Variants in APP observed in about 807,000 individuals in gnomAD.
The protein encoded by APP is amyloid beta precursor protein, also known as amyloid-beta precursor protein.
In APP, 31 loss-of-function variants were observed where a neutral mutation model predicts 101.4. The observed-to-expected ratio is 0.31, with a 90% CI of 0.23 to 0.41. The LOEUF (loss-of-function observed/expected upper bound fraction) is 0.41. APP is among the 10% of genes least tolerant of loss of function. APP has a pLI of 1.00. For synonymous variants in APP, 366 were observed against 364.4 expected, an observed-to-expected ratio of 1.00 and a Z score of -0.05; for missense variants, 839 against 1,003.7, an observed-to-expected ratio of 0.84 and a Z score of 2.22.
rs1250666038 is a variant in APP, at chr21:25,997,358, A to T, written c.1090+2T>A. On this transcript the variant is annotated splice_donor_variant, in intron 8 of 17. Transcript: ENST00000346798. LOFTEE classifies it high-confidence loss of function. ...CCTTCCCTCAGGTGAATGACAACGT[A>T]CGTTTAACAGGATCTCGGGCAAGAG... The T allele has an allele frequency of 1.9e-6, 3 of 1,613,608 alleles. No homozygotes were observed. Among genetic ancestry groups the T allele is most frequent in the Admixed American group, 3.3e-5 (2 of 59,998 alleles).
At chr21:26,067,803 C>T (rs2046516669) in intron 3 of APP, among the ~76,000 whole-genome samples, 1 of 152,032 alleles carries the variant, frequency 6.6e-6, no homozygotes, top group African/African-American at 2.4e-5. Context: ...GAGAGATGAG[C>T]TGAAAAAGCA....
At chr21:25,885,169 T>C (rs1276567335) in intron 17 of APP, among the ~76,000 whole-genome samples, 1 of 152,224 alleles carries the variant, frequency 6.6e-6, no homozygotes, top group Non-Finnish European at 1.5e-5. Context: ...ATGGATTGGA[T>C]CTTTAATCTC....
At chr21:25,892,797 C>T (rs2037780423) in intron 16 of APP, among the ~76,000 whole-genome samples, 1 of 152,114 alleles carries the variant, frequency 6.6e-6, no homozygotes, top group Non-Finnish European at 1.5e-5. Flanking sequence ...TATAGAAGCA[C>T]ACCACAACTT....
chr21:26,104,265 G>C (rs1355439920), intron 2 of APP, among the ~76,000 whole-genome samples: 1 of 151,784 alleles, frequency 6.6e-6, no homozygotes, highest in African/African-American at 2.4e-5. Flanking sequence ...TAAATTTTGG[G>C]GGAACACAAA....
At chr21:25,990,214 T>A (rs2042805755) in intron 8 of APP, among the ~76,000 whole-genome samples, 1 of 152,226 alleles carries the variant, frequency 6.6e-6, no homozygotes, top group Admixed American at 6.5e-5. Context: ...CACATGGACA[T>A]AAGGTAATAA....
intron 1 of APP, among the ~76,000 whole-genome samples, chr21:26,166,041 G>A (rs184668993): frequency 4.5e-4 from 69 of 152,108 alleles, no homozygotes; most frequent in Admixed American, 9.8e-4. Flanking sequence ...ATCTAAAGAG[G>A]AAAATTTGCC....
At chr21:26,140,119 TA>T in intron 1 of APP, 1 of 1,442,822 alleles carries the variant, frequency 6.9e-7, no homozygotes, top group Non-Finnish European at 9.4e-7. Flanking sequence ...AAATACAGAC[TA>T]AAAACAATGC....
chr21:25,943,163 CT>C (rs34978520), intron 13 of APP: 13,906 of 151,856 alleles, frequency 0.092, 1,659 homozygotes, highest in African/African-American at 0.26. Flanking sequence ...ATATATACTT[CT>C]TTTTTTTTGA....
chr21:25,899,717 C>T (rs759211126), intron 15 of APP, among the ~76,000 whole-genome samples: 3 of 152,174 alleles, frequency 2.0e-5, no homozygotes, highest in Non-Finnish European at 4.4e-5. Flanking sequence ...TAAACCACAT[C>T]CCAAATCCTG....
chr21:25,993,997 T>TG (rs1437266078), intron 8 of APP, among the ~76,000 whole-genome samples: 1 of 152,206 alleles, frequency 6.6e-6, no homozygotes, highest in Non-Finnish European at 1.5e-5. Flanking sequence ...GAGCCTGAGA[T>TG]GGGACACACT....
chr21:26,047,238 C>A (rs1177230286), intron 5 of APP, among the ~76,000 whole-genome samples: 1 of 152,188 alleles, frequency 6.6e-6, no homozygotes, highest in African/African-American at 2.4e-5. Context: ...CACTCATCTT[C>A]TATCAAAACA....
At chr21:26,032,044 A>C (rs550277807) in intron 5 of APP, among the ~76,000 whole-genome samples, 7 of 152,178 alleles carry the variant, frequency 4.6e-5, no homozygotes, top group African/African-American at 1.7e-4. Flanking sequence ...GTAGAAAAGT[A>C]CTTTAAATTG....
chr21:25,978,552 T>C (rs1198094152), intron 9 of APP, among the ~76,000 whole-genome samples: 2 of 152,188 alleles, frequency 1.3e-5, no homozygotes, highest in Non-Finnish European at 2.9e-5. Flanking sequence ...TACCCTGTGG[T>C]ACCCAATTTT....
chr21:26,142,562 A>AG lies in APP; in HGVS notation c.57+28001dup, dbSNP rs2063070512. Among the ~76,000 whole-genome samples the AG allele has an allele frequency of 1.3e-5, 2 of 152,204 alleles. 1 individual carries two copies. Among genetic ancestry groups the AG allele is most frequent in the South Asian group, 4.1e-4 (2 of 4,828 alleles). ...GGTCGGAGGCTCGCCTGAGGCCAGG[A>AG]GTTCAAGACCAGTCTGGGCAACACA... On this transcript the variant is annotated intron_variant, in intron 1 of 17. Coordinates refer to ENST00000346798, the MANE Select transcript of APP (RefSeq NM_000484.4).
intron 3 of APP, among the ~76,000 whole-genome samples, chr21:26,058,408 G>A (rs1319467459): frequency 6.6e-6 from 1 of 152,118 alleles, no homozygotes; most frequent in African/African-American, 2.4e-5. Flanking sequence ...AAAAAAATCT[G>A]GAATTCTTTT....
chr21:25,950,515 G>A (rs2041026359), intron 13 of APP, among the ~76,000 whole-genome samples: 1 of 112 alleles, frequency 8.9e-3, no homozygotes, highest in Non-Finnish European at 0.018. Context: ...TGAGTAACTG[G>A]GAATTACAGG....
chr21:25,999,888 A>G (rs1481043550), intron 7 of APP, 127 bp downstream of exon 7: 67 of 1,074,768 alleles, frequency 6.2e-5, no homozygotes, highest in Non-Finnish European at 9.3e-5. Flanking sequence ...AGAGAAGTGG[A>G]CAGAAATGTG....
chr21:26,132,605 C>G (rs1054234843), intron 1 of APP, among the ~76,000 whole-genome samples: 3 of 152,180 alleles, frequency 2.0e-5, no homozygotes, highest in Non-Finnish European at 4.4e-5. Context: ...TGCTTTATTA[C>G]TTGGATATCT....
At chr21:26,085,965 C>T (rs1019824172) in intron 3 of APP, among the ~76,000 whole-genome samples, 1 of 152,020 alleles carries the variant, frequency 6.6e-6, no homozygotes, top group Non-Finnish European at 1.5e-5. Context: ...CTTGTAATTC[C>T]TTTTTTGGAT....
Sources: gnomAD v4.1 joint callset for allele counts (sites outside exome capture counted in the v4.1 genomes callset) on GRCh38, gnomAD v4.1.1 for gene constraint, MANE v1.5 for transcripts, NCBI Gene and HGNC (gene_info 2026-07-23, HGNC 2026-07-21) for gene names.